ANK3: variants seen among roughly 807,000 people sequenced by gnomAD.
ANK3 encodes ankyrin-3.
ANK3 carries 57 observed loss-of-function variants against 370.9 expected under a neutral mutation model. That is an observed-to-expected ratio of 0.15 (90% CI 0.12 to 0.19). The LOEUF (loss-of-function observed/expected upper bound fraction) is 0.19. ANK3 is among the 10% of genes least tolerant of loss of function. ANK3 has a pLI of 1.00. For missense variants in ANK3, 4,439 were observed against 5,302.1 expected, an observed-to-expected ratio of 0.84 and a Z score of 5.06; for synonymous variants, 1,929 against 1,946.3, an observed-to-expected ratio of 0.99 and a Z score of 0.23.
intron 9 of ANK3, among the ~76,000 whole-genome samples, chr10:60,210,122 T>C (rs1275939616): frequency 6.6e-6 from 1 of 152,182 alleles, no homozygotes. Context: ...AACAAATATT[T>C]ACTGAAGCCC....
chr10:60,425,656 T>C (rs2063870198), intron 2 of ANK3, among the ~76,000 whole-genome samples: 1 of 152,120 alleles, frequency 6.6e-6, no homozygotes, highest in Non-Finnish European at 1.5e-5. Context: ...GCAGGCAGTT[T>C]CCTTGCCTAA....
intron 1 of ANK3, among the ~76,000 whole-genome samples, chr10:60,673,517 A>T (rs1358516268): frequency 6.6e-6 from 1 of 151,634 alleles, no homozygotes; most frequent in Non-Finnish European, 1.5e-5. Context: ...CACCTAGCTA[A>T]TTTTTTGTAT....
At chr10:60,515,494 A>G (rs1412701870) in intron 2 of ANK3, among the ~76,000 whole-genome samples, 1 of 152,224 alleles carries the variant, frequency 6.6e-6, no homozygotes, top group African/African-American at 2.4e-5. Flanking sequence ...TAAAGCAGTG[A>G]TAGACAAGGC....
intron 1 of ANK3, among the ~76,000 whole-genome samples, chr10:60,704,650 A>T (rs1366783725): frequency 1.3e-5 from 2 of 152,206 alleles, no homozygotes; most frequent in African/African-American, 2.4e-5. Flanking sequence ...GGAAGTACAA[A>T]GGTCATTCTA....
In ANK3 at chr10:60,362,317, A is replaced by G. The variant is rs142492794; in HGVS notation, c.114+27108T>C. On this transcript the variant is annotated intron_variant, in intron 1 of 43. Coordinates refer to ENST00000280772, the MANE Select transcript of ANK3 (RefSeq NM_020987.5). ...GGGTAAATTCCAGGAAGTATAAACT[A>G]TATTTTGAATTATATGCCTATTCAG... Among the ~76,000 whole-genome samples the G allele has an allele frequency of 4.6e-3, 702 of 152,374 alleles. 1 individual carries two copies. Among genetic ancestry groups the G allele is most frequent in the African/African-American group, 0.016 (682 of 41,594 alleles).
chr10:60,123,169 A>G (rs1490266411), intron 25 of ANK3, among the ~76,000 whole-genome samples: 1 of 152,210 alleles, frequency 6.6e-6, no homozygotes, highest in Non-Finnish European at 1.5e-5. Flanking sequence ...ACTATGTTAA[A>G]GAAAAATTCA....
intron 2 of ANK3, among the ~76,000 whole-genome samples, chr10:60,517,225 G>A (rs2076241123): frequency 6.6e-6 from 1 of 152,040 alleles, no homozygotes; most frequent in African/African-American, 2.4e-5. Context: ...CCACCACACT[G>A]GCTAATTTTT....
At chr10:60,399,918 G>A (rs1594954255) in intron 2 of ANK3, among the ~76,000 whole-genome samples, 1 of 152,020 alleles carries the variant, frequency 6.6e-6, no homozygotes. Context: ...GGGCATTACC[G>A]AGTGTCCGTT....
At chr10:60,510,776 C>T (rs1318218106) in intron 2 of ANK3, among the ~76,000 whole-genome samples, 2 of 151,984 alleles carry the variant, frequency 1.3e-5, no homozygotes, top group South Asian at 2.1e-4. Flanking sequence ...ACTGATATCG[C>T]ATCATTACAC....
At chr10:60,413,465 A>G (rs1181710289) in intron 2 of ANK3, among the ~76,000 whole-genome samples, 1 of 152,204 alleles carries the variant, frequency 6.6e-6, no homozygotes, top group Non-Finnish European at 1.5e-5. Context: ...GTAGTTATTG[A>G]GTAACTTCTC....
intron 2 of ANK3, among the ~76,000 whole-genome samples, chr10:60,491,811 T>C (rs569532011): frequency 6.6e-6 from 1 of 152,278 alleles, no homozygotes; most frequent in East Asian, 1.9e-4. Flanking sequence ...TCTGAGTCCT[T>C]GGGCAGGTAG....
chr10:60,361,783 T>G (rs962808384), intron 1 of ANK3, among the ~76,000 whole-genome samples: 9 of 152,232 alleles, frequency 5.9e-5, no homozygotes, highest in Non-Finnish European at 8.8e-5. Context: ...AGGTCGTTAA[T>G]CCAGTTTTAT....
At chr10:60,412,608 A>C (rs1190868543) in intron 2 of ANK3, among the ~76,000 whole-genome samples, 2 of 152,118 alleles carry the variant, frequency 1.3e-5, no homozygotes, top group African/African-American at 4.8e-5. Flanking sequence ...GAACACCCTA[A>C]CTAATATGCT....
rs530272373 is a variant in ANK3 at position 60,278,381 on chromosome 10, AT to A, written c.414+392del. The stretch of plus-strand genomic sequence containing the variant: ...ATATGAATTTAAATAATCTGCAATA[AT>A]TTATCTTTTTGAGACAGAGGCTTGC... On this transcript the variant is annotated intron_variant, in intron 4 of 43. Coordinates refer to ENST00000280772, the MANE Select transcript of ANK3 (RefSeq NM_020987.5). 2.3e-4 allele frequency among the ~76,000 whole-genome samples: 35 copies of A among 152,208 alleles called. No individual in the cohort carries two copies. The East Asian group carries it at 6.6e-3, about 29-fold the overall frequency.
chr10:60,619,616 T>G (rs1474524817), intron 1 of ANK3, among the ~76,000 whole-genome samples: 2 of 152,176 alleles, frequency 1.3e-5, no homozygotes, highest in Non-Finnish European at 2.9e-5. Context: ...GGCTCTCACA[T>G]TTTATCTTCT....
At chr10:60,613,022 C>T (rs2078221423) in intron 2 of ANK3, among the ~76,000 whole-genome samples, 1 of 152,056 alleles carries the variant, frequency 6.6e-6, no homozygotes, top group Non-Finnish European at 1.5e-5. Context: ...ACAAGAAAGT[C>T]CTAAATCCAT....
chr10:60,669,989 CT>C (rs1003133907), intron 1 of ANK3, among the ~76,000 whole-genome samples: 49 of 151,396 alleles, frequency 3.2e-4, no homozygotes, highest in African/African-American at 9.5e-4. Flanking sequence ...TGCCCAGCTA[CT>C]TTTTTTTTCC....
chr10:60,491,031 T>C (rs1380115900), intron 2 of ANK3, among the ~76,000 whole-genome samples: 1 of 152,210 alleles, frequency 6.6e-6, no homozygotes, highest in Non-Finnish European at 1.5e-5. Flanking sequence ...GAATCATATA[T>C]TATATACCCT....
chr10:60,045,534 G>T (rs76383289), intron 42 of ANK3, among the ~76,000 whole-genome samples: 8,275 of 152,184 alleles, frequency 0.054, 282 homozygotes, highest in Middle Eastern at 0.13. Flanking sequence ...CTTATAGTTC[G>T]GGAGAACAAG....
Sources: gnomAD v4.1 joint callset for allele counts (sites outside exome capture counted in the v4.1 genomes callset) on GRCh38, gnomAD v4.1.1 for gene constraint, MANE v1.5 for transcripts, NCBI Gene and HGNC (gene_info 2026-07-23, HGNC 2026-07-21) for gene names.